The following ULK4 variants were observed in gnomAD, a reference collection of about 807,000 sequenced individuals.
ULK4 encodes the protein inactive serine/threonine-protein kinase ULK4.
In ULK4, 133 loss-of-function variants were observed where a neutral mutation model predicts 160.6. That is an observed-to-expected ratio of 0.83 (90% CI 0.72 to 0.96). The LOEUF (loss-of-function observed/expected upper bound fraction) is 0.96, where lower values mean the gene tolerates loss of function less well. Among genes scored for constraint, ULK4 ranks in the 40% least tolerant of loss-of-function variants. The probability of loss-of-function intolerance (pLI) is 0.00; values close to 1 mark genes in which losing one functional copy is unlikely to be tolerated. For missense variants in ULK4, 1,580 were observed against 1,499.5 expected, an observed-to-expected ratio of 1.05 and a Z score of -0.89; for synonymous variants, 534 against 539.8, an observed-to-expected ratio of 0.99 and a Z score of 0.15.
chr3:41,918,595 CTTTTTTTTTT>C (rs36064862), intron 6 of ULK4, 55 bp from the exon 7 acceptor site: 8 of 224,618 alleles, frequency 3.6e-5, no homozygotes, highest in East Asian at 1.6e-4. Flanking sequence ...ACCAATAATT[CTTTTTTTTTT>C]TTTTTTTTTT....
chr3:41,470,018 G>GAAAAAAAAAAAAAAAAAA (rs71094650), intron 32 of ULK4, among the ~76,000 whole-genome samples: 27 of 45,976 alleles, frequency 5.9e-4, no homozygotes, highest in Admixed American at 7.3e-4. Context: ...AAACAGAACA[G>GAAAAAAAAAAAAAAAAAA]AAAAAAAAAA....
chr3:41,377,247 G>A (rs144003033), intron 35 of ULK4, among the ~76,000 whole-genome samples: 5,026 of 152,226 alleles, frequency 0.033, 279 homozygotes, highest in African/African-American at 0.11. Context: ...AGACTTACAC[G>A]TTAGATCTAA....
rs551136081 is a variant in ULK4, at chr3:41,824,712, C to G, written c.1765-5206G>C. Among the ~76,000 whole-genome samples the G allele has an allele frequency of 6.6e-5, 10 of 152,318 alleles. No individual in the cohort carries two copies. In the South Asian group the frequency reaches 2.1e-3, roughly 32 times the overall value. ...CCCACCGCAGTTCAAGGAGGCCTGC[C>G]TGCCTCTGTAGACTCCACCTCTGGG... On this transcript the variant is annotated intron_variant, in intron 18 of 36. Coordinates refer to ENST00000301831, the MANE Select transcript of ULK4 (RefSeq NM_017886.4).
intron 32 of ULK4, among the ~76,000 whole-genome samples, chr3:41,547,299 A>T (rs1256383080): frequency 1.3e-5 from 2 of 152,184 alleles, no homozygotes; most frequent in Non-Finnish European, 1.5e-5. Flanking sequence ...GGAAGGACCA[A>T]AACAGTAAGG....
intron 34 of ULK4, among the ~76,000 whole-genome samples, chr3:41,434,096 C>G (rs1264879337): frequency 6.6e-6 from 1 of 152,084 alleles, no homozygotes; most frequent in Non-Finnish European, 1.5e-5. Flanking sequence ...AGGTCACAAT[C>G]AAAACACAGA....
rs924356446 is a variant in ULK4 at position 41,397,963 on chromosome 3, A to C, written c.3678+116T>G. On this transcript the variant is annotated intron_variant, in intron 35 of 36. Transcript: ENST00000301831. The stretch of plus-strand genomic sequence containing the variant: ...GGAGAAAGGTGACTGGGAGTTCTTG[A>C]CAACTCTTGCAAATTCTCTGTAAAT... 6.7e-6 allele frequency: 8 copies of C among 1,194,714 alleles called. No individual in the cohort carries two copies. The Admixed American group carries it at 1.7e-4, about 26-fold the overall frequency. 74.0% of individuals were successfully genotyped at this position (1,194,714 alleles called of 1,614,324 possible).
chr3:41,443,323 G>T (rs1264957811), intron 34 of ULK4, among the ~76,000 whole-genome samples: 1 of 152,052 alleles, frequency 6.6e-6, no homozygotes, highest in African/African-American at 2.4e-5. Flanking sequence ...ATCTTTGCTG[G>T]ACAATTCCTT....
chr3:41,788,441 T>G (rs2040056086), intron 21 of ULK4, among the ~76,000 whole-genome samples: 1 of 152,158 alleles, frequency 6.6e-6, no homozygotes, highest in East Asian at 1.9e-4. Context: ...TCCCAGCACT[T>G]TGGGAGGCCA....
At chr3:41,278,176 G>GC (rs2079265900) in intron 35 of ULK4, 1 of 152,368 alleles carries the variant, frequency 6.6e-6, no homozygotes, top group South Asian at 2.1e-4. Context: ...CACGCCCACA[G>GC]AGCCTAGCTC....
chr3:41,715,528 T>C lies in ULK4; in HGVS notation c.2496A>G (p.Lys832=), dbSNP rs2037237932. ...GTTTCACTTGAACTGTTGATGGGTG[T>C]TTACGTCCAGAAACATTAGCCAAGG... ...LNSLANVSGR[K]HPSTVQVKQL... Residue 832 remains lysine, a synonymous_variant, in exon 24 of 37, where the codon AAA becomes AAG. Transcript: ENST00000301831. 6 of 1,613,934 alleles carry C rather than the reference T, an allele frequency of 3.7e-6. No individual in the cohort carries two copies. The highest frequency in any genetic ancestry group is 1.7e-5 in the Admixed American group (1 of 59,988).
At chr3:41,761,155 G>A (rs921673398) in intron 21 of ULK4, among the ~76,000 whole-genome samples, 4 of 152,022 alleles carry the variant, frequency 2.6e-5, no homozygotes, top group Admixed American at 6.6e-5. Flanking sequence ...GAATTGTTCT[G>A]TATCTTTCTG....
rs551100051 is a variant in ULK4, at chr3:41,644,035, T to C, written c.3071+19572A>G. On this transcript the variant is annotated intron_variant, in intron 30 of 36. Transcript: ENST00000301831. Reference sequence around the variant, plus strand: ...TAAGAATGCTTGTGATTGTTGTATATTGATTTTGTATCCTGAGACTTTGCT... The same window carrying C: ...TAAGAATGCTTGTGATTGTTGTATACTGATTTTGTATCCTGAGACTTTGCT... Among the ~76,000 whole-genome samples the C allele has an allele frequency of 8.5e-5, 13 of 152,338 alleles. No homozygotes were observed. The East Asian group carries it at 1.7e-3, about 20-fold the overall frequency.
chr3:41,334,316 C>A (rs947051533), intron 35 of ULK4, among the ~76,000 whole-genome samples: 3 of 152,136 alleles, frequency 2.0e-5, no homozygotes, highest in African/African-American at 4.8e-5. Context: ...TGCATCTCTT[C>A]AGGTTCTATT....
intron 35 of ULK4, among the ~76,000 whole-genome samples, chr3:41,326,095 C>T (rs2080333805): frequency 6.6e-6 from 1 of 152,174 alleles, no homozygotes; most frequent in Non-Finnish European, 1.5e-5. Context: ...TGGACCTCCA[C>T]TGGCTAGGAC....
intron 34 of ULK4, among the ~76,000 whole-genome samples, chr3:41,438,672 A>C (rs1204512602): frequency 1.3e-5 from 2 of 151,950 alleles, no homozygotes; most frequent in South Asian, 2.1e-4. Flanking sequence ...ACAAAAAAAA[A>C]CAAACTTGGC....
At chr3:41,806,353 A>T (rs1373838240) in intron 19 of ULK4, among the ~76,000 whole-genome samples, 1 of 151,450 alleles carries the variant, frequency 6.6e-6, no homozygotes, top group Admixed American at 6.6e-5. Flanking sequence ...CTTTTTATTG[A>T]GTCTATTTGA....
intron 17 of ULK4, among the ~76,000 whole-genome samples, chr3:41,837,696 GA>G (rs2041799607): frequency 6.6e-6 from 1 of 151,944 alleles, no homozygotes; most frequent in South Asian, 2.1e-4. Context: ...GAGTAGTTGG[GA>G]TTACAGGTAC....
chr3:41,345,817 A>T (rs902302543), intron 35 of ULK4, among the ~76,000 whole-genome samples: 2 of 152,156 alleles, frequency 1.3e-5, no homozygotes, highest in Non-Finnish European at 2.9e-5. Flanking sequence ...TAAAAAATGT[A>T]CAAAACAAAG....
intron 2 of ULK4, among the ~76,000 whole-genome samples, chr3:41,940,728 C>A (rs1699924052): frequency 6.6e-6 from 1 of 152,038 alleles, no homozygotes; most frequent in Non-Finnish European, 1.5e-5. Context: ...AATAAAGATA[C>A]CCTCAGTGAA....
Sources: gnomAD v4.1 joint callset for allele counts (sites outside exome capture counted in the v4.1 genomes callset) on GRCh38, gnomAD v4.1.1 for gene constraint, MANE v1.5 for transcripts, NCBI Gene and HGNC (gene_info 2026-07-23, HGNC 2026-07-21) for gene names.